Variants in PPP1R36 observed in about 807,000 individuals in gnomAD.
PPP1R36 encodes the protein protein phosphatase 1 regulatory subunit 36, also known as chromosome 14 open reading frame 50.
A neutral mutation model predicts 53.4 loss-of-function variants in PPP1R36; 47 were observed. That is an observed-to-expected ratio of 0.88 (90% CI 0.70 to 1.12). The LOEUF (loss-of-function observed/expected upper bound fraction) is 1.12. PPP1R36 is among the 50% of genes most tolerant of loss of function. The probability of loss-of-function intolerance (pLI) is 0.00; values close to 1 mark genes in which losing one functional copy is unlikely to be tolerated. For synonymous variants in PPP1R36, 153 were observed against 170.5 expected, an observed-to-expected ratio of 0.90 and a Z score of 0.80; for missense variants, 456 against 513.9, an observed-to-expected ratio of 0.89 and a Z score of 1.09.
At chr14:64,587,964 G>A (rs369126064) in intron 10 of PPP1R36, 140 bp from the exon 11 acceptor site, 38 of 778,256 alleles carry the variant, frequency 4.9e-5, no homozygotes, top group Middle Eastern at 2.9e-4. Flanking sequence ...GGCTGGTCTC[G>A]AACTCCTGGG....
In PPP1R36 at chr14:64,587,383, T is replaced by C. The variant is rs1394100855; in HGVS notation, c.890+11T>C. The stretch of plus-strand genomic sequence containing the variant: ...TTTTGTTCAGTTCAGGTATGACCTT[T>C]TGACTTTCCTATGCTCAGGGGTATT... On this transcript the variant is annotated intron_variant, in intron 10 of 11. Transcript: ENST00000298705. 6.4e-6 allele frequency: 10 copies of C among 1,556,056 alleles called. No individual in the cohort carries two copies. The highest frequency in any genetic ancestry group is 8.7e-6 in the Non-Finnish European group (10 of 1,146,692).
chr14:64,587,080 TATTGGGAA>T, intron 9 of PPP1R36, 106 bp from the exon 10 acceptor site: 2 of 888,838 alleles, frequency 2.3e-6, no homozygotes, highest in Non-Finnish European at 3.4e-6. Context: ...GTTTCAGGAA[TATTGGGAA>T]ATTGGGTCAT....
intron 3 of PPP1R36, among the ~76,000 whole-genome samples, chr14:64,554,430 C>T (rs902589433): frequency 1.3e-5 from 2 of 151,502 alleles, no homozygotes; most frequent in East Asian, 1.9e-4. Context: ...GGATTACAGG[C>T]GTGAGCCACC....
intron 2 of PPP1R36, among the ~76,000 whole-genome samples, chr14:64,551,299 G>C (rs2080092257): frequency 6.6e-6 from 1 of 152,146 alleles, no homozygotes; most frequent in Non-Finnish European, 1.5e-5. Context: ...ACAGCTCAGA[G>C]GTGACTAAGA....
chr14:64,563,529 T>C (rs2080224339), intron 3 of PPP1R36, among the ~76,000 whole-genome samples: 1 of 151,832 alleles, frequency 6.6e-6, no homozygotes, highest in African/African-American at 2.4e-5. Context: ...ATTATGTACA[T>C]GCTTTTGGTA....
chr14:64,552,917 C>A, intron 3 of PPP1R36, 56 bp downstream of exon 3: 1 of 1,475,328 alleles, frequency 6.8e-7, no homozygotes, highest in Non-Finnish European at 9.4e-7. Flanking sequence ...AAGATAGTTA[C>A]AGAAGTCAAA....
intron 8 of PPP1R36, among the ~76,000 whole-genome samples, chr14:64,582,264 G>A (rs772280819): frequency 2.6e-5 from 4 of 152,140 alleles, no homozygotes; most frequent in South Asian, 4.1e-4. Flanking sequence ...GCAGCAGGGG[G>A]CAAGTGGGGG....
chr14:64,571,535 T>C (rs1412164323), intron 7 of PPP1R36, among the ~76,000 whole-genome samples: 2 of 152,198 alleles, frequency 1.3e-5, no homozygotes, highest in African/African-American at 2.4e-5. Context: ...TGTGTGTGAA[T>C]TGACTTACCT....
Position 64,589,257 on chromosome 14 carries a change from G to T in PPP1R36, c.1188G>T (p.Met396Ile). The change falls in exon 12 of 12, where the codon ATG becomes ATT. Residue 396 changes from methionine to isoleucine, a missense_variant. Met to Ile is a conservative substitution (Grantham distance 10). Coordinates refer to ENST00000298705, the MANE Select transcript of PPP1R36 (RefSeq NM_172365.3). ...CATTTGGGAGATATCCTTCCTTGAT[G>T]GAAAACAATAACATGAGGATTCAGG... Reference protein sequence around the residue: ...TKSFGRYPSLMENNNMRIQDT... With the variant: ...TKSFGRYPSLIENNNMRIQDT... 6.2e-7 allele frequency: 1 copy of T among 1,613,842 alleles called. No individual in the cohort carries two copies. Among genetic ancestry groups the T allele is most frequent in the Non-Finnish European group, 8.5e-7 (1 of 1,179,824 alleles).
intron 2 of PPP1R36, among the ~76,000 whole-genome samples, chr14:64,552,259 C>T (rs942066404): frequency 1.1e-4 from 17 of 152,170 alleles, no homozygotes; most frequent in Admixed American, 3.3e-4. Flanking sequence ...GAGGCTGAGG[C>T]GGGCAGATCA....
At chr14:64,557,838 G>A (rs1443139884) in intron 3 of PPP1R36, among the ~76,000 whole-genome samples, 3 of 152,032 alleles carry the variant, frequency 2.0e-5, no homozygotes, top group South Asian at 2.1e-4. Flanking sequence ...GTAAAACCCC[G>A]TCTCTACTAA....
intron 7 of PPP1R36, among the ~76,000 whole-genome samples, chr14:64,571,282 T>C (rs2080301436): frequency 6.6e-6 from 1 of 152,054 alleles, no homozygotes; most frequent in Non-Finnish European, 1.5e-5. Context: ...TGTGCTACCA[T>C]GCCTGGCTAA....
intron 3 of PPP1R36, among the ~76,000 whole-genome samples, chr14:64,556,657 C>G (rs1237047344): frequency 6.8e-6 from 1 of 146,960 alleles, no homozygotes. Flanking sequence ...GCCTGTAGTC[C>G]CAGCTACTTG....
chr14:64,587,430 T>C (rs1596751857), intron 10 of PPP1R36, 58 bp downstream of exon 10: 1 of 950,172 alleles, frequency 1.1e-6, no homozygotes, highest in South Asian at 2.8e-5. Flanking sequence ...TTTCCTTTCT[T>C]TTCTTTTCTT....
intron 4 of PPP1R36, 112 bp from the exon 5 acceptor site, chr14:64,565,245 T>G: frequency 1.5e-6 from 1 of 670,990 alleles, no homozygotes; most frequent in Non-Finnish European, 2.5e-6. Flanking sequence ...AACCCATGTA[T>G]GACACTCAGG....
intron 7 of PPP1R36, among the ~76,000 whole-genome samples, chr14:64,573,086 A>T (rs2080315623): frequency 6.6e-6 from 1 of 152,180 alleles, no homozygotes; most frequent in Admixed American, 6.5e-5. Context: ...CCCTGTTTAG[A>T]GTAAATATCA....
rs184607800 is a variant in PPP1R36, at chr14:64,588,920, T to A, written c.1083-232T>A. Among the ~76,000 whole-genome samples the A allele has an allele frequency of 1.5e-4, 23 of 152,270 alleles. No homozygotes were observed. In the East Asian group the frequency reaches 4.2e-3, roughly 28 times the overall value. ...TTAGTAGAATCACCTTTGAGAAATG[T>A]GGGAAGCGCTAGTACAAAATCTTGC... On this transcript the variant is annotated intron_variant, in intron 11 of 11. Coordinates refer to ENST00000298705, the MANE Select transcript of PPP1R36 (RefSeq NM_172365.3).
At chr14:64,565,065 T>C (rs1450977825) in intron 4 of PPP1R36, among the ~76,000 whole-genome samples, 1 of 152,250 alleles carries the variant, frequency 6.6e-6, no homozygotes, top group Non-Finnish European at 1.5e-5. Flanking sequence ...TTTTTACAGT[T>C]TTTTAAAATT....
intron 3 of PPP1R36, among the ~76,000 whole-genome samples, chr14:64,562,547 A>T (rs1036820441): frequency 6.6e-6 from 1 of 152,132 alleles, no homozygotes; most frequent in Admixed American, 6.6e-5. Context: ...ATGGCAGAGC[A>T]CTCACTCACA....
Sources: allele counts gnomAD v4.1 joint callset (sites outside exome capture counted in the v4.1 genomes callset), GRCh38; gene constraint gnomAD v4.1.1; transcripts MANE v1.5; gene names NCBI Gene and HGNC (gene_info 2026-07-23, HGNC 2026-07-21).